Variants in TBC1D19 observed in about 807,000 individuals in gnomAD.
TBC1D19 encodes TBC1 domain family, member 19.
Under a neutral mutation model 89.0 loss-of-function variants are expected in TBC1D19, and 60 were observed. That is an observed-to-expected ratio of 0.67 (90% confidence interval 0.55 to 0.84). The LOEUF (loss-of-function observed/expected upper bound fraction) is 0.84, where lower values mean the gene tolerates loss of function less well. TBC1D19 is among the 40% of genes least tolerant of loss of function. The probability of loss-of-function intolerance (pLI) is 0.00; values close to 1 mark genes in which losing one functional copy is unlikely to be tolerated. For missense variants in TBC1D19, 500 were observed against 610.8 expected, an observed-to-expected ratio of 0.82 and a Z score of 1.91; for synonymous variants, 189 against 199.7, an observed-to-expected ratio of 0.95 and a Z score of 0.45.
the TBC1D19 span, among the ~76,000 whole-genome samples, chr4:26,786,060 AAAAGGTTTTG>A: frequency 2.0e-5 from 3 of 152,202 alleles, no homozygotes; most frequent in Admixed American, 6.5e-5. Flanking sequence ...TGTCCCTGTC[AAAAGGTTTTG>A]AAAGAGTTTG....
intron 1 of TBC1D19, among the ~76,000 whole-genome samples, chr4:26,605,345 T>C (rs1204160775): frequency 6.6e-6 from 1 of 150,870 alleles, no homozygotes; most frequent in Non-Finnish European, 1.5e-5. Context: ...AGAATGATGA[T>C]TTCCAATTTC....
chr4:26,764,342 C>G, the TBC1D19 span, among the ~76,000 whole-genome samples: 2 of 152,242 alleles, frequency 1.3e-5, no homozygotes, highest in African/African-American at 4.8e-5. Context: ...CACTGCTCCT[C>G]TATTCCCTGA....
the TBC1D19 span, among the ~76,000 whole-genome samples, chr4:26,814,660 G>A: frequency 6.6e-6 from 1 of 152,188 alleles, no homozygotes; most frequent in Non-Finnish European, 1.5e-5. Context: ...ATCATCTGGG[G>A]CTTCATCTTT....
Position 26,738,563 on chromosome 4 carries a change from A to G in TBC1D19, c.1118-1301A>G, listed in dbSNP as rs370211466. On this transcript the variant is annotated intron_variant, in intron 16 of 20. Coordinates refer to ENST00000264866, the MANE Select transcript of TBC1D19 (RefSeq NM_018317.4). ...GTAGCAATTTATTTAATAGTAAAATAAGTTTTAAAAATTAGTCTTGAAATA... is the reference window on the plus strand; with the variant it reads ...GTAGCAATTTATTTAATAGTAAAATGAGTTTTAAAAATTAGTCTTGAAATA... Among the ~76,000 whole-genome samples, 4 of 151,860 alleles carry G rather than the reference A, an allele frequency of 2.6e-5. No individual in the cohort carries two copies. In the East Asian group the frequency reaches 5.8e-4, roughly 22 times the overall value.
chr4:26,626,559 T>G (rs1264466451), intron 4 of TBC1D19, among the ~76,000 whole-genome samples: 1 of 152,136 alleles, frequency 6.6e-6, no homozygotes, highest in Non-Finnish European at 1.5e-5. Context: ...GATTTGAACC[T>G]GGTCAGCCTG....
Position 26,577,177 on chromosome 4 carries a change from CT to C in TBC1D19, c.6+388del, listed in dbSNP as rs1023282312. ...TTCAGATTCAAGACTGCAATATCAA[CT>C]TTTTTTTAACTGAACATTCAGCTTG... On this transcript the variant is annotated intron_variant, in intron 1 of 12. Transcript: ENST00000512840. Among the ~76,000 whole-genome samples the C allele has an allele frequency of 3.9e-5, 6 of 151,992 alleles. No individual in the cohort carries two copies. The East Asian group carries it at 1.2e-3, about 29-fold the overall frequency.
chr4:26,811,395 C>A, the TBC1D19 span, among the ~76,000 whole-genome samples: 4 of 152,146 alleles, frequency 2.6e-5, no homozygotes, highest in South Asian at 4.1e-4. Flanking sequence ...GGAGAGAAGG[C>A]AGCAGTTACT....
At chr4:26,639,891 A>C (rs1743382266) in intron 6 of TBC1D19, among the ~76,000 whole-genome samples, 1 of 152,230 alleles carries the variant, frequency 6.6e-6, no homozygotes, top group Non-Finnish European at 1.5e-5. Flanking sequence ...TGGCCAATTC[A>C]GTTACAAATA....
the TBC1D19 span, among the ~76,000 whole-genome samples, chr4:26,829,316 A>G: frequency 5.9e-5 from 9 of 152,230 alleles, no homozygotes; most frequent in Admixed American, 2.6e-4. Flanking sequence ...GAATGTCCCA[A>G]AGTATTCCAA....
intron 18 of TBC1D19, among the ~76,000 whole-genome samples, chr4:26,744,845 G>T (rs774447962): frequency 6.6e-6 from 1 of 151,912 alleles, no homozygotes; most frequent in African/African-American, 2.4e-5. Flanking sequence ...TGCAAGTATC[G>T]GGCAGAATGT....
chr4:26,645,392 C>G (rs1428183286), intron 7 of TBC1D19, among the ~76,000 whole-genome samples: 1 of 152,146 alleles, frequency 6.6e-6, no homozygotes, highest in African/African-American at 2.4e-5. Context: ...CTGACAAAAA[C>G]AAGAAATGGG....
intron 11 of TBC1D19, among the ~76,000 whole-genome samples, chr4:26,681,260 C>T (rs570843547): frequency 3.0e-4 from 45 of 151,986 alleles, no homozygotes; most frequent in African/African-American, 9.7e-4. Flanking sequence ...GAGCCTTGGC[C>T]GGGCGTGGTG....
chr4:26,782,459 G>A, the TBC1D19 span, among the ~76,000 whole-genome samples: 1 of 152,152 alleles, frequency 6.6e-6, no homozygotes, highest in African/African-American at 2.4e-5. Context: ...TCCAGATGTG[G>A]AACCAAATGG....
At chr4:26,753,978 C>T (rs1719126151) in intron 20 of TBC1D19, 88 bp downstream of exon 20, 13 of 1,407,210 alleles carry the variant, frequency 9.2e-6, no homozygotes, top group South Asian at 2.4e-5. Flanking sequence ...ATAGGACACG[C>T]GTTACTTGTA....
Position 26,748,643 on chromosome 4 carries a change from T to G in TBC1D19, c.1435+117T>G, listed in dbSNP as rs562001049. 7.0e-5 allele frequency: 52 copies of G among 747,112 alleles called. No homozygotes were observed. In the African/African-American group the frequency reaches 8.6e-4, roughly 12 times the overall value. 46.3% of individuals were successfully genotyped at this position (747,112 alleles called of 1,614,324 possible). On this transcript the variant is annotated intron_variant, in intron 19 of 20. Transcript: ENST00000264866. Reference sequence around the variant, plus strand: ...TTTGTCACTTCTAATTCATGAACAATTAATAGATATATCTGGCTTTGACGA... The same window carrying G: ...TTTGTCACTTCTAATTCATGAACAAGTAATAGATATATCTGGCTTTGACGA...
chr4:26,786,365 TG>T, the TBC1D19 span, among the ~76,000 whole-genome samples: 8 of 152,232 alleles, frequency 5.3e-5, no homozygotes, highest in Admixed American at 5.2e-4. Flanking sequence ...CCGGGCACGG[TG>T]GCTCACACCT....
intron 13 of TBC1D19, among the ~76,000 whole-genome samples, chr4:26,716,061 T>C (rs1716584584): frequency 6.6e-6 from 1 of 152,156 alleles, no homozygotes; most frequent in South Asian, 2.1e-4. Flanking sequence ...TGTTCCCCTT[T>C]ATCTTGTTTC....
chr4:26,581,580 A>T (rs1428744600), upstream of TBC1D19, among the ~76,000 whole-genome samples: 1 of 152,212 alleles, frequency 6.6e-6, no homozygotes, highest in Non-Finnish European at 1.5e-5. Context: ...GTAGTATTCC[A>T]TGGTGTATAT....
the TBC1D19 span, among the ~76,000 whole-genome samples, chr4:26,829,594 C>T: frequency 6.6e-6 from 1 of 152,132 alleles, no homozygotes; most frequent in African/African-American, 2.4e-5. Flanking sequence ...TCCCCTCTCT[C>T]ACACAGAAAA....
Sources: allele counts gnomAD v4.1 joint callset (sites outside exome capture counted in the v4.1 genomes callset), GRCh38; gene constraint gnomAD v4.1.1; transcripts MANE v1.5; gene names NCBI Gene and HGNC (gene_info 2026-07-23, HGNC 2026-07-21).